The following CAST variants were observed in gnomAD, a reference collection of about 807,000 sequenced individuals.
CAST encodes MIR583 host.
CAST carries 76 observed loss-of-function variants against 119.6 expected under a neutral mutation model. The ratio of observed to expected loss-of-function variants is 0.64; its 90% confidence interval spans 0.53 to 0.77. The LOEUF (loss-of-function observed/expected upper bound fraction) is 0.77, where lower values mean the gene tolerates loss of function less well. CAST is among the 30% of genes least tolerant of loss of function. The pLI is 0.00. For synonymous variants in CAST, 319 were observed against 331.6 expected (o/e 0.96, Z 0.41); for missense variants, 953 against 946.5 (o/e 1.01, Z -0.09).
rs897681334 is a variant in CAST, at chr5:96,768,477, A to C, written c.2268+478A>C. On this transcript the variant is annotated intron_variant, in intron 29 of 31. Transcript: ENST00000675179. ...AAATGCCTATAATTCCACTGCCCCC[A>C]AAACAGTATTATTTTGTGGATTTCC... 3.2e-5 allele frequency: 14 copies of C among 432,148 alleles called. 1 individual carries two copies. The highest frequency in any genetic ancestry group is 3.4e-4 in the Middle Eastern group (1 of 2,940). 26.8% of individuals were successfully genotyped at this position (432,148 alleles called of 1,614,324 possible).
the CAST span, among the ~76,000 whole-genome samples, chr5:96,170,976 G>A: frequency 6.6e-6 from 1 of 152,168 alleles, no homozygotes; most frequent in Non-Finnish European, 1.5e-5. Flanking sequence ...GCCTGGGGAG[G>A]AGGGGAGAGG....
At chr5:96,334,100 A>G in the CAST span, among the ~76,000 whole-genome samples, 1 of 152,186 alleles carries the variant, frequency 6.6e-6, no homozygotes, top group Non-Finnish European at 1.5e-5. Context: ...AAGTTTCTTT[A>G]TAATACTCAG....
intron 3 of CAST, among the ~76,000 whole-genome samples, chr5:96,703,635 C>G (rs954015413): frequency 6.6e-6 from 1 of 152,204 alleles, no homozygotes; most frequent in African/African-American, 2.4e-5. Flanking sequence ...TGTACAGCTT[C>G]AGAAAATGAG....
At chr5:95,971,527 C>G in the CAST span, among the ~76,000 whole-genome samples, 210 of 152,166 alleles carry the variant, frequency 1.4e-3, no homozygotes, top group African/African-American at 4.9e-3. Flanking sequence ...TATTTTATAT[C>G]AAAAATTCGA....
the CAST span, among the ~76,000 whole-genome samples, chr5:95,974,735 A>T: frequency 6.6e-6 from 1 of 152,158 alleles, no homozygotes; most frequent in Admixed American, 6.5e-5. Flanking sequence ...TACTCTGATA[A>T]GCTTATGAAT....
chr5:96,358,598 C>T, the CAST span, among the ~76,000 whole-genome samples: 2 of 152,132 alleles, frequency 1.3e-5, no homozygotes, highest in African/African-American at 2.4e-5. Flanking sequence ...ACCCAGTAGT[C>T]ATTCAGGAGC....
chr5:96,299,948 T>G, the CAST span, among the ~76,000 whole-genome samples: 2 of 152,206 alleles, frequency 1.3e-5, no homozygotes, highest in Admixed American at 1.3e-4. Context: ...TGCACATTTC[T>G]TTATCTAGTT....
the CAST span, among the ~76,000 whole-genome samples, chr5:96,274,247 G>A: frequency 6.6e-6 from 1 of 151,758 alleles, no homozygotes; most frequent in Non-Finnish European, 1.5e-5. Context: ...GACTACAGGC[G>A]CCCACCACCA....
the CAST span, among the ~76,000 whole-genome samples, chr5:96,152,272 A>G: frequency 6.6e-6 from 1 of 152,240 alleles, no homozygotes; most frequent in Admixed American, 6.5e-5. Flanking sequence ...TAAAAAGAGC[A>G]AAAAGATGAA....
At chr5:96,211,624 G>A in the CAST span, among the ~76,000 whole-genome samples, 1 of 151,882 alleles carries the variant, frequency 6.6e-6, no homozygotes, top group East Asian at 1.9e-4. Flanking sequence ...ATCTCCCTAT[G>A]ATTTTGATAT....
rs112613395 is a variant in CAST at position 96,710,007 on chromosome 5, A to G, written c.211-12632A>G. Among the ~76,000 whole-genome samples the G allele has an allele frequency of 3.9e-3, 592 of 152,284 alleles. 10 individuals carry two copies. Among genetic ancestry groups the G allele is most frequent in the South Asian group, 0.033 (157 of 4,816 alleles). On this transcript the variant is annotated intron_variant, in intron 3 of 31. Transcript: ENST00000675179. Reference sequence around the variant, plus strand: ...GGACGCGGGCTATAGAGAAAGTCACAAGTATCAAGTGTTCCTGGGGTTTAG... The same window carrying G: ...GGACGCGGGCTATAGAGAAAGTCACGAGTATCAAGTGTTCCTGGGGTTTAG...
intron 1 of CAST, among the ~76,000 whole-genome samples, chr5:96,594,719 T>C (rs995319147): frequency 1.3e-5 from 2 of 152,204 alleles, no homozygotes; most frequent in Non-Finnish European, 2.9e-5. Flanking sequence ...TTGCAGTAAA[T>C]CCTACAAATG....
chr5:96,418,321 T>A, the CAST span, among the ~76,000 whole-genome samples: 2 of 152,228 alleles, frequency 1.3e-5, no homozygotes, highest in Non-Finnish European at 2.9e-5. Flanking sequence ...TAACTGGCAT[T>A]TAAACAAAAT....
the CAST span, among the ~76,000 whole-genome samples, chr5:95,992,268 G>A: frequency 1.3e-5 from 2 of 152,190 alleles, no homozygotes; most frequent in East Asian, 1.9e-4. Flanking sequence ...CCTCCCAACC[G>A]ATACATAGAA....
At chr5:96,452,355 A>C in the CAST span, among the ~76,000 whole-genome samples, 1 of 152,138 alleles carries the variant, frequency 6.6e-6, no homozygotes, top group African/African-American at 2.4e-5. Context: ...ACATGGATGA[A>C]GCTGGAAACC....
chr5:96,361,266 C>T, the CAST span, among the ~76,000 whole-genome samples: 3 of 152,320 alleles, frequency 2.0e-5, no homozygotes, highest in South Asian at 6.2e-4. Context: ...GCTTGCTGGG[C>T]TCTGCGGGGG....
chr5:96,660,578 C>G (rs1022605449), upstream of CAST, among the ~76,000 whole-genome samples: 2 of 152,132 alleles, frequency 1.3e-5, no homozygotes, highest in African/African-American at 4.8e-5. Flanking sequence ...GGAAACCATT[C>G]CAGAGTTTGA....
the CAST span, among the ~76,000 whole-genome samples, chr5:96,185,267 C>T: frequency 1.3e-5 from 2 of 151,114 alleles, no homozygotes; most frequent in African/African-American, 4.9e-5. Flanking sequence ...CAGATGAATA[C>T]ATTGTAAAAA....
the CAST span, among the ~76,000 whole-genome samples, chr5:96,174,094 C>A: frequency 2.0e-5 from 3 of 152,138 alleles, no homozygotes; most frequent in African/African-American, 7.2e-5. Flanking sequence ...AGTCTTGAAC[C>A]CAGAGTTTTC....
Sources: allele counts gnomAD v4.1 joint callset (sites outside exome capture counted in the v4.1 genomes callset), GRCh38; gene constraint gnomAD v4.1.1; transcripts MANE v1.5; gene names NCBI Gene and HGNC (gene_info 2026-07-23, HGNC 2026-07-21).